Variants in BRAF observed in about 807,000 individuals in gnomAD.
BRAF encodes the protein B-Raf proto-oncogene, serine/threonine kinase, also known as serine/threonine-protein kinase B-raf.
In BRAF, 16 loss-of-function variants were observed where a neutral mutation model predicts 104.6. The ratio of observed to expected loss-of-function variants is 0.15; its 90% CI spans 0.10 to 0.23. BRAF has a LOEUF of 0.23. BRAF is among the 10% of genes least tolerant of loss of function. BRAF has a pLI of 1.00. For missense variants in BRAF, 541 were observed against 937.3 expected, an observed-to-expected ratio of 0.58 and a Z score of 5.52; for synonymous variants, 310 against 341.6, an observed-to-expected ratio of 0.91 and a Z score of 1.02.
intron 1 of BRAF, among the ~76,000 whole-genome samples, chr7:140,911,143 T>TA (rs1816927067): frequency 6.6e-6 from 1 of 152,188 alleles, no homozygotes; most frequent in Non-Finnish European, 1.5e-5. Flanking sequence ...ATTTAAGTAT[T>TA]AGACAGTATT....
chr7:140,825,630 G>T (rs59477283), intron 3 of BRAF, among the ~76,000 whole-genome samples: 8,616 of 152,202 alleles, frequency 0.057, 292 homozygotes, highest in South Asian at 0.11. Flanking sequence ...TATGAAAAGT[G>T]AACTCCTTCT....
Position 140,747,475 on chromosome 7 carries a change from A to C in BRAF, c.2112+1812T>G, listed in dbSNP as rs1330421595. ...AAAATGCCAAGAAGTGGATGAGAGA[A>C]GAACTCTGGGATGCTTTTATCTGTA... On this transcript the variant is annotated intron_variant, in intron 17 of 19. Coordinates refer to ENST00000644969, the MANE Select transcript of BRAF (RefSeq NM_001374258.1). The C allele has an allele frequency of 9.4e-6, 11 of 1,164,600 alleles. No homozygotes were observed. In the East Asian group the frequency reaches 5.8e-4, roughly 61 times the overall value. The allele number at this position is 1,164,600 out of a possible 1,614,324, so 72.1% of individuals were successfully genotyped here. A position where few individuals can be genotyped will look rare whatever the true frequency, so the allele number is the denominator to read the frequency against.
chr7:140,805,403 T>TA (rs1299460269), intron 5 of BRAF, among the ~76,000 whole-genome samples: 1 of 152,174 alleles, frequency 6.6e-6, no homozygotes, highest in African/African-American at 2.4e-5. Context: ...ACCAAGTAGG[T>TA]AGGTGACCAA....
intron 5 of BRAF, among the ~76,000 whole-genome samples, chr7:140,803,206 A>G (rs1803310768): frequency 1.3e-5 from 2 of 152,346 alleles, no homozygotes; most frequent in Non-Finnish European, 2.9e-5. Flanking sequence ...ATTTCTCAGA[A>G]CATATCCCAG....
At chr7:140,758,991 G>A (rs1798436810) in intron 14 of BRAF, among the ~76,000 whole-genome samples, 1 of 152,168 alleles carries the variant, frequency 6.6e-6, no homozygotes, top group African/African-American at 2.4e-5. Flanking sequence ...GATTAATTTT[G>A]CCTTTTCTCA....
chr7:140,901,571 T>C, intron 1 of BRAF, among the ~76,000 whole-genome samples: 1 of 152,214 alleles, frequency 6.6e-6, no homozygotes, highest in Non-Finnish European at 1.5e-5. Flanking sequence ...TTTCAATAAA[T>C]CCACTATCAA....
At chr7:140,856,112 A>G (rs1259062936) in intron 1 of BRAF, among the ~76,000 whole-genome samples, 1 of 148,866 alleles carries the variant, frequency 6.7e-6, no homozygotes, top group Admixed American at 6.7e-5. Flanking sequence ...CATATATAAT[A>G]GTATATATAA....
At chr7:140,826,131 TTTACC>T (rs1252360223) in intron 3 of BRAF, among the ~76,000 whole-genome samples, 1 of 152,200 alleles carries the variant, frequency 6.6e-6, no homozygotes, top group Non-Finnish European at 1.5e-5. Context: ...TTAATCTAGC[TTTACC>T]TTATTCACTG....
chr7:140,729,216 C>T (rs1795793439), intron 19 of BRAF, among the ~76,000 whole-genome samples: 2 of 152,016 alleles, frequency 1.3e-5, no homozygotes, highest in African/African-American at 4.8e-5. Flanking sequence ...GCCTGAGTAA[C>T]GAAACCCTGT....
At chr7:140,797,638 A>T (rs540206787) in intron 7 of BRAF, among the ~76,000 whole-genome samples, 1 of 152,294 alleles carries the variant, frequency 6.6e-6, no homozygotes, top group Admixed American at 6.5e-5. Flanking sequence ...GGCACAGGCA[A>T]ATGGTTTCTT....
intron 1 of BRAF, among the ~76,000 whole-genome samples, chr7:140,914,119 C>T (rs6962239): frequency 0.3 from 45,677 of 152,110 alleles, 10,953 homozygotes; most frequent in African/African-American, 0.67. Context: ...TTTTTACATA[C>T]ATAGTATTTA....
At chr7:140,785,893 G>A (rs974503130) in intron 9 of BRAF, 3 of 397,212 alleles carry the variant, frequency 7.6e-6, no homozygotes, top group Non-Finnish European at 1.3e-5. Context: ...GAATAAACAA[G>A]ATGAATTGAA....
At chr7:140,760,095 G>A (rs1428127730) in intron 14 of BRAF, among the ~76,000 whole-genome samples, 1 of 152,110 alleles carries the variant, frequency 6.6e-6, no homozygotes, top group Non-Finnish European at 1.5e-5. Context: ...CAACATGGAG[G>A]CCACCAGTAA....
rs771780037 is a variant in BRAF at position 140,777,945 on chromosome 7, A to G, written c.1637+46T>C. On this transcript the variant is annotated intron_variant, in intron 13 of 19. Transcript: ENST00000644969. ...CTACCACTGGGAACCAGGAGCTAATAAAAATAACTTCTTTCTCTGGAAAAG... is the reference window on the plus strand; with the variant it reads ...CTACCACTGGGAACCAGGAGCTAATGAAAATAACTTCTTTCTCTGGAAAAG... 117 of 1,577,868 alleles carry G rather than the reference A, an allele frequency of 7.4e-5. 1 individual carries two copies. In the South Asian group the frequency reaches 1.2e-3, roughly 17 times the overall value.
chr7:140,917,154 G>A (rs534124384), intron 1 of BRAF, among the ~76,000 whole-genome samples: 10 of 152,210 alleles, frequency 6.6e-5, no homozygotes, highest in South Asian at 4.1e-4. Context: ...TCCCTCTCCC[G>A]GGTTCAAGTG....
At chr7:140,867,106 T>C (rs1811051706) in intron 1 of BRAF, among the ~76,000 whole-genome samples, 1 of 152,126 alleles carries the variant, frequency 6.6e-6, no homozygotes, top group Non-Finnish European at 1.5e-5. Context: ...GCAATACACA[T>C]TGCACCAACC....
chr7:140,847,058 C>T (rs944063452), intron 2 of BRAF, among the ~76,000 whole-genome samples: 19 of 151,570 alleles, frequency 1.3e-4, no homozygotes, highest in South Asian at 1.0e-3. Flanking sequence ...GAGAGGCTGA[C>T]GCAGGAGAAT....
At chr7:140,825,613 T>C (rs1353240860) in intron 3 of BRAF, among the ~76,000 whole-genome samples, 1 of 152,198 alleles carries the variant, frequency 6.6e-6, no homozygotes. Flanking sequence ...TTCCTTCAAG[T>C]AGAACCTATG....
intron 3 of BRAF, 133 bp downstream of exon 3, chr7:140,834,476 C>T: frequency 1.6e-6 from 2 of 1,228,800 alleles, no homozygotes; most frequent in Admixed American, 4.1e-5. Context: ...ACATATTTTT[C>T]ATTCCTGTAT....
Sources: gnomAD v4.1 joint callset for allele counts (sites outside exome capture counted in the v4.1 genomes callset) on GRCh38, gnomAD v4.1.1 for gene constraint, MANE v1.5 for transcripts, NCBI Gene and HGNC (gene_info 2026-07-23, HGNC 2026-07-21) for gene names.